Variants in KLF12 observed in about 807,000 individuals in gnomAD.
KLF12 encodes Krueppel-like factor 12.
Under a neutral mutation model 37.8 loss-of-function variants are expected in KLF12, and 9 were observed. That is an observed-to-expected ratio of 0.24 (90% CI 0.14 to 0.42). KLF12 has a LOEUF of 0.42. Ranked by LOEUF, KLF12 falls within the 10% of genes least tolerant of loss-of-function variation. The pLI, the probability that KLF12 is intolerant of heterozygous loss-of-function variation, is 1.00. For missense variants in KLF12, 411 were observed against 516.0 expected (o/e 0.80, Z 1.97); for synonymous variants, 208 against 202.1 (o/e 1.03, Z -0.25).
chr13:73,697,754 G>C (rs1020806357), intron 7 of KLF12, among the ~76,000 whole-genome samples: 1 of 152,074 alleles, frequency 6.6e-6, no homozygotes. Flanking sequence ...TAGAGAGAGT[G>C]TAAGGCCTAA....
At chr13:73,981,722 G>T (rs1891693140) in intron 2 of KLF12, among the ~76,000 whole-genome samples, 1 of 152,110 alleles carries the variant, frequency 6.6e-6, no homozygotes, top group South Asian at 2.1e-4. Context: ...GTAATAAGAG[G>T]CGGTGCCTTT....
intron 6 of KLF12, among the ~76,000 whole-genome samples, chr13:73,745,208 T>C (rs1454008809): frequency 2.0e-5 from 3 of 152,232 alleles, no homozygotes; most frequent in Non-Finnish European, 2.9e-5. Flanking sequence ...TTTGACCACC[T>C]GGGGACATAA....
intron 1 of KLF12, among the ~76,000 whole-genome samples, chr13:74,118,450 A>G (rs1593914931): frequency 6.6e-6 from 1 of 152,176 alleles, no homozygotes; most frequent in Non-Finnish European, 1.5e-5. Context: ...AAACACAAAA[A>G]ACTTTTTAAG....
chr13:73,790,739 T>TCC (rs981747515), intron 5 of KLF12, among the ~76,000 whole-genome samples: 4 of 152,194 alleles, frequency 2.6e-5, no homozygotes, highest in Non-Finnish European at 4.4e-5. Flanking sequence ...AATGTTTCCC[T>TCC]CCTTACAGTC....
chr13:73,955,008 T>G (rs1773188406), intron 2 of KLF12, among the ~76,000 whole-genome samples: 1 of 152,220 alleles, frequency 6.6e-6, no homozygotes, highest in African/African-American at 2.4e-5. Flanking sequence ...TGGTTTAGTC[T>G]CTACCATGTA....
intron 2 of KLF12, among the ~76,000 whole-genome samples, chr13:73,973,515 C>G (rs1404453705): frequency 6.6e-6 from 1 of 152,168 alleles, no homozygotes; most frequent in East Asian, 1.9e-4. Context: ...TCCCATTCCA[C>G]TCTTCACCTT....
At chr13:73,941,674 C>A (rs1411163509) in intron 3 of KLF12, among the ~76,000 whole-genome samples, 33 of 152,116 alleles carry the variant, frequency 2.2e-4, no homozygotes. Flanking sequence ...GACTTTGTTT[C>A]AAACAAGAGT....
chr13:73,871,025 C>T (rs902251568), intron 3 of KLF12, among the ~76,000 whole-genome samples: 2 of 152,166 alleles, frequency 1.3e-5, no homozygotes, highest in Non-Finnish European at 2.9e-5. Flanking sequence ...TCATCCATTG[C>T]CACTGCTTTC....
At chr13:74,130,145 T>C (rs573486065) in intron 1 of KLF12, among the ~76,000 whole-genome samples, 7 of 152,338 alleles carry the variant, frequency 4.6e-5, no homozygotes, top group South Asian at 2.1e-4. Context: ...GCTGTGGTTA[T>C]AGGGCGTTGC....
the KLF12 span, among the ~76,000 whole-genome samples, chr13:74,271,866 G>T: frequency 6.6e-6 from 1 of 152,132 alleles, no homozygotes; most frequent in South Asian, 2.1e-4. Flanking sequence ...CATGGGTATG[G>T]TGACCAGACT....
chr13:74,169,437 T>A, the KLF12 span, among the ~76,000 whole-genome samples: 1 of 152,194 alleles, frequency 6.6e-6, no homozygotes, highest in South Asian at 2.1e-4. Context: ...GAGCTAGAAT[T>A]AAAATCCAGG....
intron 3 of KLF12, among the ~76,000 whole-genome samples, chr13:73,931,479 T>C (rs1254627670): frequency 6.6e-6 from 1 of 152,036 alleles, no homozygotes; most frequent in Non-Finnish European, 1.5e-5. Context: ...TATGTCAGTA[T>C]AGAAGTCAGA....
chr13:74,009,910 A>G (rs1182549653), intron 1 of KLF12, among the ~76,000 whole-genome samples: 1 of 152,170 alleles, frequency 6.6e-6, no homozygotes, highest in Non-Finnish European at 1.5e-5. Flanking sequence ...TAAACAAACT[A>G]TAACGAAGAT....
chr13:73,808,708 A>G (rs1043333965), intron 5 of KLF12, among the ~76,000 whole-genome samples: 3 of 152,254 alleles, frequency 2.0e-5, no homozygotes, highest in Non-Finnish European at 2.9e-5. Flanking sequence ...TTCACGCTAT[A>G]TAAATATACT....
chr13:73,973,342 C>T (rs1400297342), intron 2 of KLF12, among the ~76,000 whole-genome samples: 1 of 152,182 alleles, frequency 6.6e-6, no homozygotes, highest in Non-Finnish European at 1.5e-5. Flanking sequence ...TGCCATTCTG[C>T]TCAAAGGTAC....
At chr13:74,083,432 C>T (rs1875046681) in intron 1 of KLF12, among the ~76,000 whole-genome samples, 2 of 151,362 alleles carry the variant, frequency 1.3e-5, no homozygotes, top group Non-Finnish European at 2.9e-5. Flanking sequence ...ACCTGAGCCC[C>T]AGAAGTCAAG....
rs562959263 is a variant in KLF12 at position 73,929,774 on chromosome 13, C to G, written c.123+14207G>C. On this transcript the variant is annotated intron_variant, in intron 3 of 7. Coordinates refer to ENST00000377669, the MANE Select transcript of KLF12 (RefSeq NM_007249.5). ...TTAAGTCCTAACCATTGCACTTGCC[C>G]AAACAGCTGTTCTGTGTGCAGGCAG... is the stretch of plus-strand genomic sequence containing the variant. Among the ~76,000 whole-genome samples the G allele has an allele frequency of 9.2e-5, 14 of 152,268 alleles. No homozygotes were observed. In the South Asian group the frequency reaches 2.3e-3, roughly 25 times the overall value.
chr13:74,100,912 T>C (rs1296313514), intron 1 of KLF12, among the ~76,000 whole-genome samples: 5 of 152,150 alleles, frequency 3.3e-5, no homozygotes, highest in Admixed American at 6.5e-5. Context: ...TTTCCTCATC[T>C]GAGAAAAGTT....
rs553318967 is a variant in KLF12 at position 73,979,216 on chromosome 13, G to C, written c.33+15774C>G. Among the ~76,000 whole-genome samples the C allele has an allele frequency of 6.9e-4, 105 of 152,208 alleles. 4 individuals are homozygous for C. In the South Asian group the frequency reaches 0.017, roughly 24 times the overall value. ...GGTTACTCACTCAACTGTAATAAAC[G>C]TATCATCCTGGTGGGGTATGTTGAT... On this transcript the variant is annotated intron_variant, in intron 2 of 7. Coordinates refer to ENST00000377669, the MANE Select transcript of KLF12 (RefSeq NM_007249.5).
Sources: gnomAD v4.1 joint callset for allele counts (sites outside exome capture counted in the v4.1 genomes callset) on GRCh38, gnomAD v4.1.1 for gene constraint, MANE v1.5 for transcripts, NCBI Gene and HGNC (gene_info 2026-07-23, HGNC 2026-07-21) for gene names.